Variants in PYROXD2 observed in about 807,000 individuals in gnomAD.
PYROXD2 encodes pyridine nucleotide-disulfide oxidoreductase domain-containing protein 2.
A neutral mutation model predicts 71.1 loss-of-function variants in PYROXD2; 69 were observed. The ratio of observed to expected loss-of-function variants is 0.97; its 90% CI spans 0.80 to 1.19. PYROXD2 has a LOEUF of 1.19. Ranked by LOEUF, PYROXD2 falls within the 50% of genes most tolerant of loss-of-function variation. PYROXD2 has a pLI of 0.00. For missense variants in PYROXD2, 745 were observed against 748.9 expected (o/e 0.99, Z 0.06); for synonymous variants, 287 against 302.7 (o/e 0.95, Z 0.54).
intron 13 of PYROXD2, 33 bp from the exon 14 acceptor site, chr10:98,387,340 G>A (rs4400721): frequency 0.31 from 473,900 of 1,510,662 alleles, 78,908 homozygotes; most frequent in South Asian, 0.49. Flanking sequence ...ATGAGATGGT[G>A]TTAGGAAGAA....
At chr10:98,410,851 C>T in intron 2 of PYROXD2, 88 bp downstream of exon 2, 4 of 1,545,860 alleles carry the variant, frequency 2.6e-6, no homozygotes, top group South Asian at 2.4e-5. Context: ...AGGCCCTTAT[C>T]CCACCTGCTT....
At chr10:98,398,378 A>C (rs1328106333) in intron 5 of PYROXD2, among the ~76,000 whole-genome samples, 1 of 152,038 alleles carries the variant, frequency 6.6e-6, no homozygotes, top group African/African-American at 2.4e-5. Flanking sequence ...CTTTCCCTGG[A>C]GGGCACAGGA....
In PYROXD2 at chr10:98,407,637, G is replaced by A. The variant is rs748246749; in HGVS notation, c.260C>T (p.Ala87Val). The change falls in exon 4 of 16, where the codon GCG becomes GTG. Residue 87 changes from alanine (A) to valine (V), a missense_variant. Ala to Val is a moderately conservative substitution (Grantham distance 64, BLOSUM62 0). Coordinates refer to ENST00000370575, the MANE Select transcript of PYROXD2 (RefSeq NM_032709.3). ...CCTCAGCAGGCTGAGCAGGTAGGAC[G>A]CGCGGGAGAACTTAAACCCTGAAAC... ...EIIPGFKFSR[A>V]SYLLSLLRPQ... 8.1e-6 allele frequency: 13 copies of A among 1,613,960 alleles called. 1 individual carries two copies. Among genetic ancestry groups the A allele is most frequent in the Admixed American group, 3.3e-5 (2 of 59,990 alleles).
chr10:98,410,956 G>T lies in PYROXD2; in HGVS notation c.130C>A (p.His44Asn). ...GTACTCACAGCCACCAGTCCGTTGT[G>T]TCCTGCAACAAAACGGGACAGGGAA... ...EYDAVVIGAG[H>N]NGLVAAAYLQ... The change falls in exon 2 of 16, where the codon CAC (histidine) becomes AAC (asparagine). Residue 44 changes from histidine (H) to asparagine (N), a missense_variant and splice_region_variant. Coordinates refer to ENST00000370575, the MANE Select transcript of PYROXD2 (RefSeq NM_032709.3). 6.4e-7 allele frequency: 1 copy of T among 1,563,780 alleles called. No individual in the cohort carries two copies. Among genetic ancestry groups the T allele is most frequent in the Non-Finnish European group, 8.7e-7 (1 of 1,153,262 alleles).
chr10:98,397,268 G>A, intron 6 of PYROXD2, 77 bp downstream of exon 6: 1 of 1,477,582 alleles, frequency 6.8e-7, no homozygotes, highest in Non-Finnish European at 9.0e-7. Context: ...GTTCAGGCTT[G>A]TGTCTAGGCA....
At chr10:98,390,568 A>G (rs1483841148) in intron 12 of PYROXD2, 30 bp downstream of exon 12, 1 of 1,539,894 alleles carries the variant, frequency 6.5e-7, no homozygotes, top group Non-Finnish European at 8.8e-7. Flanking sequence ...GTGGAAGAAC[A>G]TCAGGGAACA....
In PYROXD2 at chr10:98,383,622, G is replaced by A. The variant is rs184943954; in HGVS notation, c.*176C>T. Reference sequence around the variant, plus strand: ...AGAACCAGTCCATGTATGGAGGCATGGGCATAAGGTCAACTTGCACTAAAT... The same window carrying A: ...AGAACCAGTCCATGTATGGAGGCATAGGCATAAGGTCAACTTGCACTAAAT... On this transcript the variant is annotated 3_prime_UTR_variant, in exon 16 of 16. Coordinates refer to ENST00000370575, the MANE Select transcript of PYROXD2 (RefSeq NM_032709.3). 311 of 670,704 alleles carry A rather than the reference G, an allele frequency of 4.6e-4. No individual in the cohort carries two copies. The highest frequency in any genetic ancestry group is 7.0e-4 in the Non-Finnish European group (259 of 368,898). 41.5% of individuals were successfully genotyped at this position (670,704 alleles called of 1,614,324 possible).
rs1420008826 is a variant in PYROXD2 at position 98,397,376 on chromosome 10, C to T, written c.594G>A (p.Ser198=). Residue 198 remains serine (S), a synonymous_variant, in exon 6 of 16, where the codon TCG becomes TCA. Coordinates refer to ENST00000370575, the MANE Select transcript of PYROXD2 (RefSeq NM_032709.3). ...QHGSLLQRMR[S]LSTLKPLLKA... is the part of the protein sequence containing the mutation. Reference sequence around the variant, plus strand: ...TCAGCAGGGGCTTGAGGGTGGAGAGCGACCTCATCCTTTGCAGCAAGGAGC... The same window carrying T: ...TCAGCAGGGGCTTGAGGGTGGAGAGTGACCTCATCCTTTGCAGCAAGGAGC... 31 of 1,609,628 alleles carry T rather than the reference C, an allele frequency of 1.9e-5. No homozygotes were observed. The highest frequency in any genetic ancestry group is 2.4e-5 in the Non-Finnish European group (28 of 1,177,408).
At chr10:98,392,315 A>T in intron 10 of PYROXD2, 117 bp downstream of exon 10, 3 of 1,493,050 alleles carry the variant, frequency 2.0e-6, no homozygotes, top group Non-Finnish European at 2.7e-6. Flanking sequence ...TCCCAAATGC[A>T]GAGACTTGGC....
chr10:98,397,265 C>T, intron 6 of PYROXD2, 80 bp downstream of exon 6: 1 of 1,478,326 alleles, frequency 6.8e-7, no homozygotes, highest in Non-Finnish European at 9.0e-7. Flanking sequence ...GAGGTTCAGG[C>T]TTGTGTCTAG....
intron 3 of PYROXD2, 46 bp from the exon 4 acceptor site, chr10:98,407,701 T>TG: frequency 6.3e-7 from 1 of 1,583,420 alleles, no homozygotes; most frequent in Non-Finnish European, 8.6e-7. Flanking sequence ...TCACCAGGGA[T>TG]GAGGACCGTC....
chr10:98,408,482 C>T (rs1185362229), intron 2 of PYROXD2, among the ~76,000 whole-genome samples: 2 of 152,184 alleles, frequency 1.3e-5, no homozygotes, highest in Non-Finnish European at 2.9e-5. Flanking sequence ...AGTTTGTTCA[C>T]ATGCAAAAGT....
intron 14 of PYROXD2, among the ~76,000 whole-genome samples, chr10:98,385,354 T>C (rs114307849): frequency 5.3e-4 from 81 of 152,328 alleles, no homozygotes; most frequent in African/African-American, 1.8e-3. Flanking sequence ...TCCCTCTCCC[T>C]CTGTTGGAAA....
At chr10:98,407,441 G>A in intron 4 of PYROXD2, 141 bp downstream of exon 4, 2 of 948,122 alleles carry the variant, frequency 2.1e-6, no homozygotes, top group South Asian at 3.0e-5. Flanking sequence ...GAGACCACGT[G>A]GGATACACAA....
chr10:98,394,144 C>T (rs1172663470), intron 8 of PYROXD2, among the ~76,000 whole-genome samples: 2 of 152,224 alleles, frequency 1.3e-5, no homozygotes, highest in African/African-American at 4.8e-5. Flanking sequence ...AGGACATCTG[C>T]TCCGCTCACT....
chr10:98,406,161 A>C (rs1843590089), intron 4 of PYROXD2, among the ~76,000 whole-genome samples: 1 of 152,178 alleles, frequency 6.6e-6, no homozygotes, highest in African/African-American at 2.4e-5. Flanking sequence ...TACTCCTATT[A>C]CTGCAGCCCA....
chr10:98,388,718 C>T (rs778444365), intron 12 of PYROXD2, among the ~76,000 whole-genome samples: 1 of 151,876 alleles, frequency 6.6e-6, no homozygotes, highest in African/African-American at 2.4e-5. Context: ...TGACCCCAGA[C>T]CCCCGAATGC....
intron 4 of PYROXD2, 65 bp from the exon 5 acceptor site, chr10:98,400,322 T>G: frequency 6.7e-7 from 1 of 1,486,194 alleles, no homozygotes; most frequent in Non-Finnish European, 9.1e-7. Context: ...ATCATCTTTC[T>G]CCGATTGTGT....
chr10:98,386,546 C>CTTTT (rs112385802), intron 14 of PYROXD2, among the ~76,000 whole-genome samples: 59,685 of 146,788 alleles, frequency 0.41, 12,278 homozygotes, highest in East Asian at 0.52. Flanking sequence ...CTTTCTTTTG[C>CTTTT]TTTTTTTTTA....
Sources: gnomAD v4.1 joint callset for allele counts (sites outside exome capture counted in the v4.1 genomes callset) on GRCh38, gnomAD v4.1.1 for gene constraint, MANE v1.5 for transcripts, NCBI Gene and HGNC (gene_info 2026-07-23, HGNC 2026-07-21) for gene names.